ARHGAP15: variants seen among roughly 807,000 people sequenced by gnomAD.
ARHGAP15 encodes rho GTPase-activating protein 15.
A neutral mutation model predicts 63.7 loss-of-function variants in ARHGAP15; 51 were observed. That is an observed-to-expected ratio of 0.80 (90% CI 0.64 to 1.01). ARHGAP15 has a LOEUF of 1.01. ARHGAP15 is among the 50% of genes least tolerant of loss of function. The pLI is 0.00. For synonymous variants in ARHGAP15, 191 were observed against 193.8 expected, an observed-to-expected ratio of 0.99 and a Z score of 0.12; for missense variants, 560 against 564.6, an observed-to-expected ratio of 0.99 and a Z score of 0.08.
intron 8 of ARHGAP15, among the ~76,000 whole-genome samples, chr2:143,439,447 A>AAAAAAAAAAAAAAAAC (rs1689771963): frequency 6.8e-6 from 1 of 146,218 alleles, no homozygotes; most frequent in Admixed American, 6.9e-5. Flanking sequence ...AAAAAAAAAA[A>AAAAAAAAAAAAAAAAC]AGGGAAGAGA....
chr2:143,610,988 C>T (rs951938028), intron 11 of ARHGAP15, among the ~76,000 whole-genome samples: 3 of 152,124 alleles, frequency 2.0e-5, no homozygotes, highest in African/African-American at 7.2e-5. Context: ...CTTGGCCTCC[C>T]AAAGTTCTAG....
At chr2:143,183,512 C>T (rs910666400) in intron 2 of ARHGAP15, among the ~76,000 whole-genome samples, 1 of 151,950 alleles carries the variant, frequency 6.6e-6, no homozygotes, top group Non-Finnish European at 1.5e-5. Flanking sequence ...TGTACTGATT[C>T]AAACATATCT....
chr2:143,748,193 A>G (rs913752919), intron 13 of ARHGAP15, among the ~76,000 whole-genome samples: 1 of 152,230 alleles, frequency 6.6e-6, no homozygotes, highest in African/African-American at 2.4e-5. Flanking sequence ...GAATCAGAAT[A>G]TAATTCCAAA....
At chr2:143,157,706 A>T (rs1690136862) in intron 2 of ARHGAP15, among the ~76,000 whole-genome samples, 1 of 151,048 alleles carries the variant, frequency 6.6e-6, no homozygotes, top group Non-Finnish European at 1.5e-5. Context: ...TTTCTGTCTC[A>T]GTTCTTTTCA....
chr2:143,273,258 TC>T (rs1681385183), intron 6 of ARHGAP15, among the ~76,000 whole-genome samples: 1 of 152,166 alleles, frequency 6.6e-6, no homozygotes, highest in Non-Finnish European at 1.5e-5. Flanking sequence ...GGGAATACTT[TC>T]ATTTAACAAA....
At chr2:143,377,046 T>C (rs1166089011) in intron 6 of ARHGAP15, among the ~76,000 whole-genome samples, 2 of 152,120 alleles carry the variant, frequency 1.3e-5, no homozygotes, top group African/African-American at 4.8e-5. Flanking sequence ...ATTGAGGAAG[T>C]ACAAGTTTTG....
chr2:143,182,049 C>T (rs1221044054), intron 2 of ARHGAP15, among the ~76,000 whole-genome samples: 1 of 150,692 alleles, frequency 6.6e-6, no homozygotes, highest in East Asian at 2.0e-4. Flanking sequence ...TCAAGTGATT[C>T]TCCAGCCTCA....
At chr2:143,708,082 A>C (rs1462752864) in intron 13 of ARHGAP15, among the ~76,000 whole-genome samples, 1 of 152,178 alleles carries the variant, frequency 6.6e-6, no homozygotes, top group African/African-American at 2.4e-5. Context: ...ATCTGAATGC[A>C]AGTCTTGGCT....
intron 6 of ARHGAP15, among the ~76,000 whole-genome samples, chr2:143,349,434 C>A (rs1447204871): frequency 2.0e-5 from 3 of 152,242 alleles, no homozygotes; most frequent in Admixed American, 2.0e-4. Flanking sequence ...TATATTAATT[C>A]ACCTTCATTC....
At chr2:143,750,262 A>AT in intron 13 of ARHGAP15, among the ~76,000 whole-genome samples, 1 of 152,332 alleles carries the variant, frequency 6.6e-6, no homozygotes, top group African/African-American at 2.4e-5. Context: ...CAACATGGTG[A>AT]AACCCCATCT....
chr2:143,294,966 A>G (rs1393631678), intron 6 of ARHGAP15, among the ~76,000 whole-genome samples: 1 of 152,088 alleles, frequency 6.6e-6, no homozygotes, highest in Non-Finnish European at 1.5e-5. Flanking sequence ...TGTCTTGGGC[A>G]TTCTTCTAAG....
intron 9 of ARHGAP15, among the ~76,000 whole-genome samples, chr2:143,498,353 T>C (rs1295074017): frequency 6.6e-6 from 1 of 152,118 alleles, no homozygotes; most frequent in Non-Finnish European, 1.5e-5. Context: ...TTCTTCTCTG[T>C]GGGAGGGAGG....
chr2:143,169,821 G>A (rs1690702047), intron 2 of ARHGAP15, among the ~76,000 whole-genome samples: 1 of 151,630 alleles, frequency 6.6e-6, no homozygotes, highest in Non-Finnish European at 1.5e-5. Flanking sequence ...AGGTAGTAAT[G>A]CTTTTGTTTG....
intron 12 of ARHGAP15, among the ~76,000 whole-genome samples, chr2:143,640,046 T>G (rs1183089502): frequency 6.6e-6 from 1 of 152,120 alleles, no homozygotes; most frequent in African/African-American, 2.4e-5. Context: ...CTCTACTGAG[T>G]TAAATACACA....
intron 8 of ARHGAP15, among the ~76,000 whole-genome samples, chr2:143,451,126 G>A (rs375106676): frequency 1.0e-3 from 152 of 151,814 alleles, no homozygotes; most frequent in African/African-American, 3.3e-3. Flanking sequence ...ATTAGTTAAC[G>A]AAAATGCATA....
At chr2:143,755,271 A>G (rs1411199244) in intron 13 of ARHGAP15, among the ~76,000 whole-genome samples, 1 of 125,660 alleles carries the variant, frequency 8.0e-6, no homozygotes, top group Non-Finnish European at 1.7e-5. Flanking sequence ...TTGCCAGCAT[A>G]TATGGGGGGG....
intron 6 of ARHGAP15, among the ~76,000 whole-genome samples, chr2:143,370,106 T>TA (rs1370111660): frequency 6.6e-6 from 1 of 152,032 alleles, no homozygotes; most frequent in East Asian, 1.9e-4. Flanking sequence ...TTTTATGTAA[T>TA]AAAAAACTGA....
At chr2:143,130,602 T>C (rs532451708) in intron 1 of ARHGAP15, among the ~76,000 whole-genome samples, 3 of 152,258 alleles carry the variant, frequency 2.0e-5, no homozygotes, top group African/African-American at 4.8e-5. Flanking sequence ...TTTGACATGG[T>C]CAATTTAGTA....
At chr2:143,270,002 C>T (rs555600321) in intron 6 of ARHGAP15, among the ~76,000 whole-genome samples, 6 of 152,162 alleles carry the variant, frequency 3.9e-5, no homozygotes, top group East Asian at 3.9e-4. Context: ...AACAGAGTCT[C>T]GCTCTTGTCG....
Sources: allele counts gnomAD v4.1 joint callset (sites outside exome capture counted in the v4.1 genomes callset), GRCh38; gene constraint gnomAD v4.1.1; transcripts MANE v1.5; gene names NCBI Gene and HGNC (gene_info 2026-07-23, HGNC 2026-07-21).